HOXA10: variants seen among roughly 807,000 people sequenced by gnomAD.
The protein encoded by HOXA10 is homeobox protein Hox-A10.
Under a neutral mutation model 29.7 loss-of-function variants are expected in HOXA10, and 12 were observed. The observed-to-expected ratio is 0.40, with a 90% CI of 0.26 to 0.65. HOXA10 has a LOEUF of 0.65. Among genes scored for constraint, HOXA10 ranks in the 30% least tolerant of loss-of-function variants. The probability of loss-of-function intolerance (pLI) is 0.37; values close to 1 mark genes in which losing one functional copy is unlikely to be tolerated. For missense variants in HOXA10, 656 were observed against 585.9 expected, an observed-to-expected ratio of 1.12 and a Z score of -1.24; for synonymous variants, 327 against 280.7, an observed-to-expected ratio of 1.16 and a Z score of -1.65.
rs2115452538 is a variant in HOXA10, at chr7:27,173,752, G to A, written c.555C>T (p.Ala185=). Residue 185 remains alanine, a synonymous_variant, in exon 1 of 2, where the codon GCC becomes GCT. Transcript: ENST00000283921. The stretch of plus-strand genomic sequence containing the variant: ...CCCGCGGGAAGGGAGCCAGTTCGGC[G>A]GCGGTGGCCGAGACTTTGGGGCATT... ...ADKCPKVSAT[A]AELAPFPRGP... The A allele has an allele frequency of 1.2e-6, 2 of 1,603,638 alleles. 1 individual carries two copies. The highest frequency in any genetic ancestry group is 1.7e-6 in the Non-Finnish European group (2 of 1,175,646).
chr7:27,176,066 C>A (rs1294582402), upstream of HOXA10, among the ~76,000 whole-genome samples: 1 of 152,246 alleles, frequency 6.6e-6, no homozygotes, highest in Non-Finnish European at 1.5e-5. Context: ...CCAGCCACTT[C>A]AACCTCGGCG....
chr7:27,177,089 T>C, upstream of HOXA10, among the ~76,000 whole-genome samples: 1 of 152,182 alleles, frequency 6.6e-6, no homozygotes, highest in Non-Finnish European at 1.5e-5. Context: ...CTGGATAGAA[T>C]CCAGGGACCT....
chr7:27,176,277 C>T (rs528725383), upstream of HOXA10, among the ~76,000 whole-genome samples: 28 of 152,368 alleles, frequency 1.8e-4, no homozygotes, highest in South Asian at 4.1e-3. Flanking sequence ...GGGATCAAGA[C>T]AGGGTCTGTG....
In HOXA10 at chr7:27,171,651, C is replaced by A. The variant is rs781235329; in HGVS notation, c.*248G>T. On this transcript the variant is annotated 3_prime_UTR_variant, in exon 2 of 2. Coordinates refer to ENST00000283921, the MANE Select transcript of HOXA10 (RefSeq NM_018951.4). ...TTGACACTTAGGACAATATCTATCT[C>A]TATAGAATTTTAGCATGATATGGCT... The A allele has an allele frequency of 3.0e-6, 2 of 655,774 alleles. No homozygotes were observed. Among genetic ancestry groups the A allele is most frequent in the Admixed American group, 2.1e-5 (1 of 48,514 alleles). The allele number at this position is 655,774 out of a possible 1,614,324, so 40.6% of individuals were successfully genotyped here. A position where few individuals can be genotyped will look rare whatever the true frequency, so the allele number is the denominator to read the frequency against.
At chr7:27,172,902 T>G in intron 1 of HOXA10, 1 of 176,820 alleles carries the variant, frequency 5.7e-6, no homozygotes, top group Non-Finnish European at 1.2e-5. Flanking sequence ...ACTTCGCCGG[T>G]TAATGGGCTT....
At chr7:27,173,076 A>C (rs1783544084) in intron 1 of HOXA10, 9 of 522,048 alleles carry the variant, frequency 1.7e-5, no homozygotes, top group Non-Finnish European at 2.7e-5. Flanking sequence ...GAAAGAGCGC[A>C]CAGGAGGGGG....
chr7:27,173,040 A>C, intron 1 of HOXA10: 1 of 435,612 alleles, frequency 2.3e-6, no homozygotes, highest in Non-Finnish European at 4.2e-6. Flanking sequence ...GGCAGGGACC[A>C]GGGCTCTGGG....
Position 27,173,567 on chromosome 7 carries a change from C to A in HOXA10, c.740G>T (p.Gly247Val), listed in dbSNP as rs899468754. 4.8e-6 allele frequency: 7 copies of A among 1,466,424 alleles called. No individual in the cohort carries two copies. The highest frequency in any genetic ancestry group is 2.3e-4 in the Middle Eastern group (1 of 4,312). The allele number at this position is 1,466,424 out of a possible 1,614,324, so 90.8% of individuals were successfully genotyped here. ...GAGPFPAQPP[G>V]RGFDLPPALA... ...CGCGGGCGGGAGATCGAAACCGCGC[C>A]CCGGGGGCTGCGCGGGGAACGGGCC... Residue 247 changes from glycine to valine, a missense_variant, in exon 1 of 2, where the codon GGG becomes GTG. By Grantham distance (109) the Gly-to-Val change is moderately radical. Transcript: ENST00000283921.
chr7:27,178,174 C>A (rs551377958), upstream of HOXA10, among the ~76,000 whole-genome samples: 2 of 152,134 alleles, frequency 1.3e-5, no homozygotes, highest in Non-Finnish European at 2.9e-5. Flanking sequence ...AATTATCCAG[C>A]GGTGGAGTTG....
chr7:27,170,631 G>A lies in HOXA10; in HGVS notation c.*1268C>T, dbSNP rs1449004953. ...TCATTCCACAGCTTTTATTCTATAA[G>A]AACATAAACATCGTCTTTTTCCACG... On this transcript the variant is annotated 3_prime_UTR_variant, in exon 2 of 2. Coordinates refer to ENST00000283921, the MANE Select transcript of HOXA10 (RefSeq NM_018951.4). 1 of 363,948 alleles carries A rather than the reference G, an allele frequency of 2.7e-6. No individual in the cohort carries two copies. The highest frequency in any genetic ancestry group is 5.3e-6 in the Non-Finnish European group (1 of 189,074). The allele number at this position is 363,948 out of a possible 1,614,324, so 22.5% of individuals were successfully genotyped here.
chr7:27,172,387 T>C, intron 1 of HOXA10: 2 of 602,630 alleles, frequency 3.3e-6, no homozygotes, highest in Non-Finnish European at 5.9e-6. Flanking sequence ...CCCTTCCAAT[T>C]TACATTTCCC....
rs79213620 is a variant in HOXA10, at chr7:27,170,811, T to A, written c.*1088A>T. 4.6e-6 allele frequency: 2 copies of A among 430,600 alleles called. No homozygotes were observed. The highest frequency in any genetic ancestry group is 9.1e-6 in the Non-Finnish European group (2 of 219,676). The allele number at this position is 430,600 out of a possible 1,614,324, so 26.7% of individuals were successfully genotyped here. A position where few individuals can be genotyped will look rare whatever the true frequency, so the allele number is the denominator to read the frequency against. ...CATTTATACAGATTTGTATTTATAG[T>A]TTTTTTCTTTTTCTGCATCTACAGG... On this transcript the variant is annotated 3_prime_UTR_variant, in exon 2 of 2. Coordinates refer to ENST00000283921, the MANE Select transcript of HOXA10 (RefSeq NM_018951.4).
chr7:27,173,141 G>A (rs888898465), intron 1 of HOXA10, among the ~76,000 whole-genome samples: 10 of 152,212 alleles, frequency 6.6e-5, no homozygotes, highest in African/African-American at 2.2e-4. Flanking sequence ...CAGCGCCGAG[G>A]ACGTCTTGCT....
chr7:27,171,172 A>T lies in HOXA10; in HGVS notation c.*727T>A. 1 of 454,204 alleles carries T rather than the reference A, an allele frequency of 2.2e-6. No homozygotes were observed. The highest frequency in any genetic ancestry group is 1.6e-5 in the South Asian group (1 of 64,370). The allele number at this position is 454,204 out of a possible 1,614,324, so 28.1% of individuals were successfully genotyped here. ...GTAAATGAAACATTTTAGTCAGGCA[A>T]TGTAAGACCTTACAGAAACTGGAAG... On this transcript the variant is annotated 3_prime_UTR_variant, in exon 2 of 2. Transcript: ENST00000283921.
intron 1 of HOXA10, chr7:27,172,746 A>T (rs1034523674): frequency 6.0e-6 from 1 of 167,500 alleles, no homozygotes; most frequent in Non-Finnish European, 1.3e-5. Flanking sequence ...GGCGATTCCG[A>T]GGTCCAGGGG....
chr7:27,173,414 G>A lies in HOXA10; in HGVS notation c.893C>T (p.Ala298Val), dbSNP rs1380550678. Residue 298 changes from alanine (A) to valine (V), a missense_variant, in exon 1 of 2, where the codon GCC (alanine) becomes GTC (valine). Coordinates refer to ENST00000283921, the MANE Select transcript of HOXA10 (RefSeq NM_018951.4). Reference protein sequence around the residue: ...GDEEAHASSSAAEELSPAPSE... With the variant: ...GDEEAHASSSVAEELSPAPSE... ...AGGGGCCGGGGAGAGCTCCTCCGCG[G>A]CCGAGGACGACGCGTGCGCCTCCTC... 6.8e-6 allele frequency: 11 copies of A among 1,608,898 alleles called. No individual in the cohort carries two copies. The highest frequency in any genetic ancestry group is 9.3e-6 in the Non-Finnish European group (11 of 1,179,008).
chr7:27,174,036 C>T lies in HOXA10; in HGVS notation c.271G>A (p.Ala91Thr). The T allele has an allele frequency of 6.5e-7, 1 of 1,537,104 alleles. No homozygotes were observed. Among genetic ancestry groups the T allele is most frequent in the Non-Finnish European group, 8.7e-7 (1 of 1,148,138 alleles). The stretch of plus-strand genomic sequence containing the variant: ...CCGCCACCGCTGCCCGGCGACGCTG[C>T]CTCATTGCGCTTGCCGCCCAGCGTG... ...FPTLGGKRNE[A>T]ASPGSGGGGG... The change falls in exon 1 of 2, where the codon GCA (alanine) becomes ACA (threonine). Residue 91 changes from alanine to threonine, a missense_variant. Around this residue, in one of 2 missense-constraint regions of HOXA10, gnomAD observed 594 missense variants for 491.9 expected, o/e 1.21. Transcript: ENST00000283921.
At position 27,173,625 on chromosome 7, in the gene HOXA10, T is replaced by C; in HGVS notation, c.682A>G (p.Ser228Gly). 1 of 1,535,548 alleles carries C rather than the reference T, an allele frequency of 6.5e-7. No homozygotes were observed. The highest frequency in any genetic ancestry group is 1.2e-5 in the South Asian group (1 of 82,470). ...QAYGTAKGYG[S>G]GGGGAQQLGA... ...AGTTGCTGCGCGCCGCCGCCGCCGCTGCCATAGCCCTTGGCGGTGCCGTAG... is the reference window on the plus strand; with the variant it reads ...AGTTGCTGCGCGCCGCCGCCGCCGCCGCCATAGCCCTTGGCGGTGCCGTAG... Residue 228 changes from serine (S) to glycine (G), a missense_variant, in exon 1 of 2, where the codon AGC (serine) becomes GGC (glycine). This residue lies in a region of HOXA10 where 594 missense variants were observed against 491.9 expected (regional missense o/e 1.21). Transcript: ENST00000283921.
rs977510969 is a variant in HOXA10, at chr7:27,173,595, C to T, written c.712G>A (p.Ala238Thr). The T allele has an allele frequency of 7.2e-6, 11 of 1,529,114 alleles. No homozygotes were observed. In the Admixed American group the frequency reaches 1.0e-4, roughly 14 times the overall value. 94.7% of individuals were successfully genotyped at this position (1,529,114 alleles called of 1,614,324 possible). Residue 238 changes from alanine (A) to threonine (T), a missense_variant, in exon 1 of 2, where the codon GCT (alanine) becomes ACT (threonine). Ala to Thr is a moderately conservative substitution (Grantham distance 58, BLOSUM62 0). Coordinates refer to ENST00000283921, the MANE Select transcript of HOXA10 (RefSeq NM_018951.4). ...GGGGGCTGCGCGGGGAACGGGCCAG[C>T]CCCGAGTTGCTGCGCGCCGCCGCCG... ...SGGGGAQQLG[A>T]GPFPAQPPGR...
Sources: allele counts gnomAD v4.1 joint callset (sites outside exome capture counted in the v4.1 genomes callset), GRCh38; gene constraint gnomAD v4.1.1; regional missense constraint gnomAD v4.1.1; transcripts MANE v1.5; gene names NCBI Gene and HGNC (gene_info 2026-07-23, HGNC 2026-07-21).